The following DENND1A variants were observed in gnomAD, a reference collection of about 807,000 sequenced individuals.
DENND1A encodes the protein DENN domain-containing protein 1A.
Under a neutral mutation model 113.7 loss-of-function variants are expected in DENND1A, and 51 were observed. That is an observed-to-expected ratio of 0.45 (90% CI 0.36 to 0.57). DENND1A has a LOEUF of 0.57. Among genes scored for constraint, DENND1A ranks in the 20% least tolerant of loss-of-function variants. The pLI, the probability that DENND1A is intolerant of heterozygous loss-of-function variation, is 0.00. For missense variants in DENND1A, 1,258 were observed against 1,395.9 expected (o/e 0.90, Z 1.57); for synonymous variants, 565 against 570.8 (o/e 0.99, Z 0.14).
At chr9:123,420,341 G>A (rs1484361295) in intron 19 of DENND1A, among the ~76,000 whole-genome samples, 1 of 152,208 alleles carries the variant, frequency 6.6e-6, no homozygotes, top group African/African-American at 2.4e-5. Context: ...AGGTCGGGCT[G>A]GGCTTCACTC....
Position 123,380,796 on chromosome 9 carries a change from C to A in DENND1A, c.*636G>T, listed in dbSNP as rs1443258523. Reference sequence around the variant, plus strand: ...CTGTGTATCACAAGGCAGCCCAAGACCCCCTGGTCCCCAGATCCTCCCAGG... The same window carrying A: ...CTGTGTATCACAAGGCAGCCCAAGAACCCCTGGTCCCCAGATCCTCCCAGG... On this transcript the variant is annotated 3_prime_UTR_variant, in exon 24 of 24. Coordinates refer to ENST00000394215, the MANE Select transcript of DENND1A (RefSeq NM_001352964.2). 1 of 152,794 alleles carries A rather than the reference C, an allele frequency of 6.5e-6. No individual in the cohort carries two copies. Among genetic ancestry groups the A allele is most frequent in the Non-Finnish European group, 1.5e-5 (1 of 68,208 alleles). The allele number at this position is 152,794 out of a possible 1,614,324, so 9.5% of individuals were successfully genotyped here.
intron 5 of DENND1A, among the ~76,000 whole-genome samples, chr9:123,740,662 T>C (rs1425647289): frequency 1.3e-5 from 2 of 152,168 alleles, no homozygotes; most frequent in Non-Finnish European, 2.9e-5. Flanking sequence ...TTTACACATA[T>C]GTTAACAACT....
chr9:123,802,156 C>T, intron 2 of DENND1A, among the ~76,000 whole-genome samples: 1 of 152,148 alleles, frequency 6.6e-6, no homozygotes, highest in East Asian at 1.9e-4. Flanking sequence ...AAACTTGCAA[C>T]CTCTTCTAAG....
rs36033303 is a variant in DENND1A at position 123,674,342 on chromosome 9, T to TCTCTCACACA, written c.372+2377_372+2378insTGTGTGAGAG. The stretch of plus-strand genomic sequence containing the variant: ...CTCTGTCTCTGTCTCTGTCTCTCTC[T>TCTCTCACACA]CACACACACACACACACACACACAC... On this transcript the variant is annotated intron_variant, in intron 6 of 23. Coordinates refer to ENST00000394215, the MANE Select transcript of DENND1A (RefSeq NM_001352964.2). 8.8e-4 allele frequency among the ~76,000 whole-genome samples: 116 copies of TCTCTCACACA among 132,370 alleles called. 1 individual carries two copies. The highest frequency in any genetic ancestry group is 9.4e-4 in the African/African-American group (33 of 34,934). The allele number at this position is 132,370 out of a possible 152,430, so 86.8% of individuals were successfully genotyped here. A position where few individuals can be genotyped will look rare whatever the true frequency, so the allele number is the denominator to read the frequency against.
chr9:123,441,319 A>G (rs1195362984), intron 18 of DENND1A, among the ~76,000 whole-genome samples: 10 of 152,198 alleles, frequency 6.6e-5, no homozygotes, highest in Non-Finnish European at 1.3e-4. Context: ...GTTTTTCCAC[A>G]TTTGTTTACT....
intron 11 of DENND1A, among the ~76,000 whole-genome samples, chr9:123,587,727 A>G (rs1187833749): frequency 2.0e-5 from 3 of 152,116 alleles, no homozygotes; most frequent in Non-Finnish European, 4.4e-5. Flanking sequence ...TGGCAGTCCA[A>G]CCTGGCATTG....
intron 19 of DENND1A, among the ~76,000 whole-genome samples, chr9:123,432,739 G>A (rs1199493433): frequency 6.6e-6 from 1 of 152,244 alleles, no homozygotes; most frequent in South Asian, 2.1e-4. Flanking sequence ...ATTGTAGACC[G>A]CAATGCCCAC....
intron 8 of DENND1A, among the ~76,000 whole-genome samples, chr9:123,656,232 G>C (rs1040195122): frequency 7.2e-5 from 11 of 152,080 alleles, no homozygotes; most frequent in Admixed American, 3.9e-4. Flanking sequence ...GCAGGGAAGA[G>C]AGTGAGAGGC....
intron 19 of DENND1A, chr9:123,414,152 C>T (rs539195090): frequency 2.5e-5 from 25 of 1,008,070 alleles, no homozygotes; most frequent in Admixed American, 1.0e-4. Flanking sequence ...CCATTTACTC[C>T]CTGGGTTACT....
intron 18 of DENND1A, among the ~76,000 whole-genome samples, chr9:123,447,083 G>C (rs1193817985): frequency 1.3e-5 from 2 of 152,190 alleles, no homozygotes; most frequent in Non-Finnish European, 2.9e-5. Context: ...GCAATTTGTT[G>C]ACAGTCATGA....
chr9:123,480,371 C>G (rs1415549734), intron 13 of DENND1A, among the ~76,000 whole-genome samples: 1 of 152,328 alleles, frequency 6.6e-6, no homozygotes, highest in East Asian at 1.9e-4. Context: ...TGCCAGCCCC[C>G]CAAGGCCCCT....
intron 12 of DENND1A, among the ~76,000 whole-genome samples, chr9:123,576,696 G>T (rs1169866857): frequency 6.6e-6 from 1 of 152,120 alleles, no homozygotes; most frequent in Admixed American, 6.6e-5. Context: ...CACCATGTTG[G>T]CCAGGCTGGT....
At chr9:123,481,797 CTT>C (rs199644080) in intron 13 of DENND1A, among the ~76,000 whole-genome samples, 88 of 138,032 alleles carry the variant, frequency 6.4e-4, no homozygotes, top group African/African-American at 1.5e-3. Context: ...TTCTTTCTTT[CTT>C]TTTTTTTTTT....
In DENND1A at chr9:123,447,803, AC is replaced by A. The variant is rs200760092; in HGVS notation, c.1356+2889del. On this transcript the variant is annotated intron_variant, in intron 18 of 23. Transcript: ENST00000394215. Reference sequence around the variant, plus strand: ...AGGGGAGAAGGACAAAAAAAAAAAAACCAAGGAAATATTTTCTACTGCTATG... The same window carrying A: ...AGGGGAGAAGGACAAAAAAAAAAAAACAAGGAAATATTTTCTACTGCTATG... 8.8e-4 allele frequency among the ~76,000 whole-genome samples: 132 copies of A among 150,222 alleles called. 1 individual carries two copies. The highest frequency in any genetic ancestry group is 3.5e-3 in the Middle Eastern group (1 of 288).
In DENND1A at chr9:123,458,623, C is replaced by G. The variant is rs139442095; in HGVS notation, c.994-726G>C. ...ATTTCTAAACTTTTCACTTTTTTCA[C>G]TTTTAGCAGCGGAACCCTTTATTCA... On this transcript the variant is annotated intron_variant, in intron 13 of 23. Coordinates refer to ENST00000394215, the MANE Select transcript of DENND1A (RefSeq NM_001352964.2). Among the ~76,000 whole-genome samples the G allele has an allele frequency of 9.0e-4, 137 of 152,232 alleles. 1 individual carries two copies. The highest frequency in any genetic ancestry group is 3.2e-3 in the African/African-American group (133 of 41,548).
chr9:123,661,538 T>A (rs745792585), intron 8 of DENND1A, among the ~76,000 whole-genome samples: 1 of 152,178 alleles, frequency 6.6e-6, no homozygotes, highest in Non-Finnish European at 1.5e-5. Flanking sequence ...ATACTGATAT[T>A]TGAGAGGCCA....
In DENND1A at chr9:123,422,365, G is replaced by A. The variant is rs918785956; in HGVS notation, c.1489-10536C>T. Among the ~76,000 whole-genome samples, 3 of 152,206 alleles carry A rather than the reference G, an allele frequency of 2.0e-5. No homozygotes were observed. The highest frequency in any genetic ancestry group is 6.5e-5 in the Admixed American group (1 of 15,284). On this transcript the variant is annotated intron_variant, in intron 19 of 23. Coordinates refer to ENST00000394215, the MANE Select transcript of DENND1A (RefSeq NM_001352964.2). This position sits in a 1 kb window ranked among gnomAD's most constrained non-coding sequence, Gnocchi z 4.8. ...TACAGGTTTCCTAGCCTAACAGGTT[G>A]AGCCCCAGGGCCATCCCCCAAAGCA...
chr9:123,639,777 C>CA (rs199515973), intron 9 of DENND1A, among the ~76,000 whole-genome samples: 5,111 of 115,010 alleles, frequency 0.044, 145 homozygotes, highest in Middle Eastern at 0.12. Context: ...AACTCCATCT[C>CA]AAAAAAAAAA....
rs558117297 is a variant in DENND1A, at chr9:123,639,035, G to A, written c.619-8559C>T. On this transcript the variant is annotated intron_variant, in intron 9 of 23. Transcript: ENST00000394215. ...GTGGTGAGTTACTAAATTTGCATGA[G>A]TAGTAAAAAAAAAAAAAAAAAAAAA... Among the ~76,000 whole-genome samples, 10 of 42,198 alleles carry A rather than the reference G, an allele frequency of 2.4e-4. No homozygotes were observed. The East Asian group carries it at 6.5e-3, about 28-fold the overall frequency. 27.7% of individuals were successfully genotyped at this position (42,198 alleles called of 152,430 possible).
Sources: gnomAD v4.1 joint callset for allele counts (sites outside exome capture counted in the v4.1 genomes callset) on GRCh38, gnomAD v4.1.1 for gene constraint, Gnocchi (gnomAD v3.1) non-coding constraint, MANE v1.5 for transcripts, NCBI Gene and HGNC (gene_info 2026-07-23, HGNC 2026-07-21) for gene names.